SMARCC1: variants seen among roughly 807,000 people sequenced by gnomAD.
SMARCC1 encodes SWI/SNF related BAF chromatin remodeling complex subunit C1.
A neutral mutation model predicts 147.4 loss-of-function variants in SMARCC1; 43 were observed. The ratio of observed to expected loss-of-function variants is 0.29; its 90% CI spans 0.23 to 0.38. SMARCC1 has a LOEUF of 0.38. SMARCC1 is among the 10% of genes least tolerant of loss of function. The pLI is 1.00. For synonymous variants in SMARCC1, 495 were observed against 484.4 expected (o/e 1.02, Z -0.29); for missense variants, 1,119 against 1,381.1 (o/e 0.81, Z 3.01).
intron 18 of SMARCC1, among the ~76,000 whole-genome samples, chr3:47,673,337 G>C (rs1478256835): frequency 8.8e-5 from 12 of 136,976 alleles, no homozygotes; most frequent in Non-Finnish European, 1.5e-5. Flanking sequence ...TTGCAGGGGA[G>C]ACTGCGCCAC....
chr3:47,621,034 G>C (rs537380276), intron 25 of SMARCC1, among the ~76,000 whole-genome samples: 1 of 152,282 alleles, frequency 6.6e-6, no homozygotes, highest in African/African-American at 2.4e-5. Context: ...GGGCATGGTG[G>C]CTCACGCCTG....
intron 2 of SMARCC1, among the ~76,000 whole-genome samples, chr3:47,752,178 C>T (rs534865828): frequency 5.9e-5 from 9 of 152,136 alleles, no homozygotes; most frequent in Non-Finnish European, 1.0e-4. Flanking sequence ...AGGATTCTTA[C>T]GGCTTGCACA....
chr3:47,604,924 T>G lies in SMARCC1; in HGVS notation c.3043+5142A>C, dbSNP rs1400169740. Among the ~76,000 whole-genome samples the G allele has an allele frequency of 3.3e-5, 5 of 152,202 alleles. No homozygotes were observed. In the East Asian group the frequency reaches 9.6e-4, roughly 29 times the overall value. On this transcript the variant is annotated intron_variant, in intron 26 of 27. Transcript: ENST00000254480. ...ATGTTGGCCAGGCACTGGTCTTGAATTCCTGGCCTCAAGTGGTCCACCTGC... is the reference window on the plus strand; with the variant it reads ...ATGTTGGCCAGGCACTGGTCTTGAAGTCCTGGCCTCAAGTGGTCCACCTGC...
intron 21 of SMARCC1, among the ~76,000 whole-genome samples, chr3:47,652,201 C>T (rs2033198910): frequency 6.6e-6 from 1 of 152,064 alleles, no homozygotes; most frequent in African/African-American, 2.4e-5. Flanking sequence ...GTCTCGAAAT[C>T]CTGGCCTAAA....
intron 23 of SMARCC1, among the ~76,000 whole-genome samples, chr3:47,635,568 G>C (rs1442472528): frequency 3.3e-5 from 5 of 152,150 alleles, no homozygotes; most frequent in African/African-American, 4.8e-5. Context: ...ATTTTGCTAA[G>C]TTCTATGTGG....
chr3:47,684,133 G>A (rs982244271), intron 14 of SMARCC1, among the ~76,000 whole-genome samples: 2 of 151,182 alleles, frequency 1.3e-5, no homozygotes, highest in Non-Finnish European at 3.0e-5. Context: ...CCAGCTACTT[G>A]GGAGGCTGAG....
At chr3:47,644,047 CA>C (rs2033085931) in intron 21 of SMARCC1, among the ~76,000 whole-genome samples, 1 of 152,066 alleles carries the variant, frequency 6.6e-6, no homozygotes, top group African/African-American at 2.4e-5. Flanking sequence ...ATTAGCTGGG[CA>C]TGGTGATACG....
At chr3:47,749,992 G>C (rs1279215294) in intron 2 of SMARCC1, among the ~76,000 whole-genome samples, 1 of 151,082 alleles carries the variant, frequency 6.6e-6, no homozygotes, top group Non-Finnish European at 1.5e-5. Context: ...TGAGGCAGAA[G>C]AATAGCATGA....
chr3:47,682,766 TTATGA>T (rs2033670715), intron 14 of SMARCC1, among the ~76,000 whole-genome samples: 1 of 152,230 alleles, frequency 6.6e-6, no homozygotes. Context: ...TAATAATTGT[TTATGA>T]TATAAAAATT....
At position 47,710,829 on chromosome 3, in the gene SMARCC1, C is replaced by T. The variant is rs775381381; in HGVS notation, c.793-21G>A. On this transcript the variant is annotated intron_variant, in intron 8 of 27. Transcript: ENST00000254480. ...TGAACCTAAAACCATATCAAAGCATCAATATCTACATAAATAACAAAATCA... is the reference window on the plus strand; with the variant it reads ...TGAACCTAAAACCATATCAAAGCATTAATATCTACATAAATAACAAAATCA... The T allele has an allele frequency of 5.0e-6, 8 of 1,584,248 alleles. No individual in the cohort carries two copies. The South Asian group carries it at 5.8e-5, about 11-fold the overall frequency.
At chr3:47,624,649 T>TA (rs963784928) in intron 24 of SMARCC1, among the ~76,000 whole-genome samples, 2 of 152,180 alleles carry the variant, frequency 1.3e-5, no homozygotes, top group African/African-American at 2.4e-5. Flanking sequence ...GTATGTGTTC[T>TA]AGCTCAAGTA....
intron 24 of SMARCC1, among the ~76,000 whole-genome samples, chr3:47,628,477 A>T (rs1181827662): frequency 3.9e-5 from 6 of 152,208 alleles, no homozygotes; most frequent in Non-Finnish European, 2.9e-5. Context: ...AGACTAGGCA[A>T]AAATTGGGGG....
intron 22 of SMARCC1, among the ~76,000 whole-genome samples, chr3:47,638,472 C>T (rs1373422025): frequency 6.6e-6 from 1 of 152,148 alleles, no homozygotes; most frequent in Non-Finnish European, 1.5e-5. Context: ...CATATTCCTT[C>T]TTCTTCTAAT....
intron 16 of SMARCC1, among the ~76,000 whole-genome samples, chr3:47,677,448 TCCA>T (rs1365933279): frequency 6.7e-6 from 1 of 150,064 alleles, no homozygotes; most frequent in Non-Finnish European, 1.5e-5. Context: ...GCAGAGCTTA[TCCA>T]CTCCCAACCT....
At chr3:47,609,638 T>C (rs1244990065) in intron 26 of SMARCC1, among the ~76,000 whole-genome samples, 2 of 152,366 alleles carry the variant, frequency 1.3e-5, no homozygotes, top group Middle Eastern at 6.8e-3. Flanking sequence ...GGGATTATCA[T>C]ACTATTCTCT....
intron 25 of SMARCC1, among the ~76,000 whole-genome samples, chr3:47,617,445 G>A (rs1030490799): frequency 6.6e-6 from 1 of 152,218 alleles, no homozygotes; most frequent in African/African-American, 2.4e-5. Context: ...TGCTCACAAA[G>A]CCAACAATGG....
intron 19 of SMARCC1, chr3:47,663,578 T>C (rs979617534): frequency 9.6e-6 from 13 of 1,361,200 alleles, no homozygotes; most frequent in Non-Finnish European, 1.3e-5. Flanking sequence ...AGACCCTGTC[T>C]TAGGTCGCGA....
chr3:47,623,701 C>T (rs563254205), intron 24 of SMARCC1, among the ~76,000 whole-genome samples: 2 of 151,894 alleles, frequency 1.3e-5, no homozygotes, highest in African/African-American at 4.8e-5. Context: ...AAAATTTATG[C>T]GCACGATATA....
chr3:47,613,060 T>A (rs1471627956), intron 25 of SMARCC1, among the ~76,000 whole-genome samples: 1 of 152,216 alleles, frequency 6.6e-6, no homozygotes, highest in Non-Finnish European at 1.5e-5. Context: ...ACTAGGAATT[T>A]CTGAGAGAAA....
Sources: allele counts gnomAD v4.1 joint callset (sites outside exome capture counted in the v4.1 genomes callset), GRCh38; gene constraint gnomAD v4.1.1; transcripts MANE v1.5; gene names NCBI Gene and HGNC (gene_info 2026-07-23, HGNC 2026-07-21).